The following CADM2 variants were observed in gnomAD, a reference collection of about 807,000 sequenced individuals.
CADM2 encodes the protein cell adhesion molecule 2.
A neutral mutation model predicts 49.8 loss-of-function variants in CADM2; 12 were observed. That is an observed-to-expected ratio of 0.24 (90% CI 0.15 to 0.39). The LOEUF (loss-of-function observed/expected upper bound fraction) is 0.39, where lower values mean the gene tolerates loss of function less well. Among genes scored for constraint, CADM2 ranks in the 10% least tolerant of loss-of-function variants. The pLI is 1.00. For missense variants in CADM2, 378 were observed against 492.3 expected, an observed-to-expected ratio of 0.77 and a Z score of 2.20; for synonymous variants, 214 against 175.4, an observed-to-expected ratio of 1.22 and a Z score of -1.74.
At chr3:85,819,733 A>G (rs2073436621) in intron 3 of CADM2, among the ~76,000 whole-genome samples, 1 of 152,156 alleles carries the variant, frequency 6.6e-6, no homozygotes, top group South Asian at 2.1e-4. Context: ...ACAGTAATTA[A>G]GATTCATTTA....
At chr3:85,616,288 T>G (rs998602269) in intron 1 of CADM2, among the ~76,000 whole-genome samples, 1 of 151,996 alleles carries the variant, frequency 6.6e-6, no homozygotes, top group Non-Finnish European at 1.5e-5. Context: ...TTACCAAATT[T>G]ATTCTGAGTT....
chr3:85,679,160 A>C (rs2107652698), intron 1 of CADM2, among the ~76,000 whole-genome samples: 1 of 152,284 alleles, frequency 6.6e-6, no homozygotes, highest in South Asian at 2.1e-4. Context: ...AATATAGGGG[A>C]CCATGAAAAA....
intron 5 of CADM2, among the ~76,000 whole-genome samples, chr3:85,895,716 G>A (rs182800398): frequency 2.0e-4 from 30 of 152,204 alleles, no homozygotes; most frequent in African/African-American, 6.0e-4. Flanking sequence ...TGCTGTTCTT[G>A]TAATAGTAAA....
intron 7 of CADM2, among the ~76,000 whole-genome samples, chr3:85,948,089 A>T (rs1722958961): frequency 6.6e-6 from 1 of 151,480 alleles, no homozygotes; most frequent in Admixed American, 6.6e-5. Context: ...TAAAATTTGT[A>T]TTTTTAAAAA....
chr3:85,752,453 A>G (rs371749759), intron 2 of CADM2, among the ~76,000 whole-genome samples: 2 of 134,724 alleles, frequency 1.5e-5, no homozygotes, highest in African/African-American at 5.8e-5. Flanking sequence ...CCTTCTCCTT[A>G]TGTCTCATAT....
intron 2 of CADM2, among the ~76,000 whole-genome samples, chr3:85,751,641 A>C (rs1325969595): frequency 1.3e-5 from 2 of 152,128 alleles, no homozygotes; most frequent in Admixed American, 6.6e-5. Context: ...ACATTTGTCT[A>C]TGATGCAAAT....
At chr3:85,756,532 T>C (rs2107883262) in intron 2 of CADM2, among the ~76,000 whole-genome samples, 1 of 152,296 alleles carries the variant, frequency 6.6e-6, no homozygotes, top group South Asian at 2.1e-4. Context: ...ATGGGATTTG[T>C]AAAAGAAGAT....
chr3:85,142,228 T>C (rs941650381), intron 1 of CADM2, among the ~76,000 whole-genome samples: 7 of 152,216 alleles, frequency 4.6e-5, no homozygotes, highest in African/African-American at 1.2e-4. Context: ...TGGTCTCACA[T>C]TGGAAATAAG....
chr3:86,051,488 C>T lies in CADM2; in HGVS notation c.971-14117C>T, dbSNP rs1223507405. On this transcript the variant is annotated intron_variant, in intron 8 of 9. Transcript: ENST00000383699. The stretch of plus-strand genomic sequence containing the variant: ...TATTACCAAGTTCCAAAGTCGTTTC[C>T]ACATTTTTAGGTATTCTATAGAAAT... Among the ~76,000 whole-genome samples, 3 of 152,122 alleles carry T rather than the reference C, an allele frequency of 2.0e-5. No homozygotes were observed. The East Asian group carries it at 5.8e-4, about 29-fold the overall frequency.
intron 1 of CADM2, among the ~76,000 whole-genome samples, chr3:85,093,182 C>T (rs1036538628): frequency 3.3e-5 from 5 of 152,084 alleles, no homozygotes; most frequent in African/African-American, 4.8e-5. Context: ...GGTGCTGACA[C>T]AAAATATAAT....
chr3:85,859,165 C>A (rs1204679676), intron 3 of CADM2, among the ~76,000 whole-genome samples: 1 of 147,336 alleles, frequency 6.8e-6, no homozygotes, highest in Admixed American at 6.8e-5. Flanking sequence ...GTATTTCTTT[C>A]TGTATGTAAA....
At chr3:85,590,259 A>C (rs2063068061) in intron 1 of CADM2, among the ~76,000 whole-genome samples, 1 of 152,052 alleles carries the variant, frequency 6.6e-6, no homozygotes, top group Non-Finnish European at 1.5e-5. Flanking sequence ...GGCCTTTGAC[A>C]TATGACAAAG....
intron 1 of CADM2, among the ~76,000 whole-genome samples, chr3:85,010,531 C>A (rs2033937199): frequency 6.6e-6 from 1 of 152,078 alleles, no homozygotes; most frequent in South Asian, 2.1e-4. Flanking sequence ...ATAAAATAAA[C>A]TTGTAACTCC....
intron 1 of CADM2, among the ~76,000 whole-genome samples, chr3:85,413,138 C>CAAAAAAAAAAAAAAA (rs397973777): frequency 2.3e-4 from 4 of 17,108 alleles, no homozygotes; most frequent in African/African-American, 6.6e-4. Flanking sequence ...GACTCCGTCT[C>CAAAAAAAAAAAAAAA]AAAAAAAAAA....
chr3:85,992,673 A>G (rs1397935340), intron 8 of CADM2: 2 of 152,170 alleles, frequency 1.3e-5, no homozygotes, highest in Non-Finnish European at 2.9e-5. Context: ...CATCATGTCC[A>G]TAAAAACAAT....
At chr3:85,007,359 C>G (rs2033782036) in intron 1 of CADM2, among the ~76,000 whole-genome samples, 1 of 152,052 alleles carries the variant, frequency 6.6e-6, no homozygotes, top group African/African-American at 2.4e-5. Flanking sequence ...GTGGCAACTA[C>G]TCATTGTTGC....
intron 8 of CADM2, chr3:86,015,069 A>G (rs1732043682): frequency 2.9e-6 from 2 of 685,612 alleles, no homozygotes; most frequent in Non-Finnish European, 5.1e-6. Flanking sequence ...TAAACCCTAT[A>G]CAAGTAAGTC....
chr3:85,258,212 G>T (rs2042933570), intron 1 of CADM2, among the ~76,000 whole-genome samples: 1 of 152,068 alleles, frequency 6.6e-6, no homozygotes, highest in Non-Finnish European at 1.5e-5. Context: ...TCCCTGCATA[G>T]AAAGTGTTTC....
At chr3:85,046,418 G>A (rs753561215) in intron 1 of CADM2, among the ~76,000 whole-genome samples, 6 of 150,262 alleles carry the variant, frequency 4.0e-5, no homozygotes, top group Admixed American at 1.3e-4. Context: ...AAAATCCCAC[G>A]GGGTCAATTA....
Sources: allele counts gnomAD v4.1 joint callset (sites outside exome capture counted in the v4.1 genomes callset), GRCh38; gene constraint gnomAD v4.1.1; transcripts MANE v1.5; gene names NCBI Gene and HGNC (gene_info 2026-07-23, HGNC 2026-07-21).